The following VAV2 variants were observed in gnomAD, a reference collection of about 807,000 sequenced individuals.
VAV2 encodes vav guanine nucleotide exchange factor 2.
A neutral mutation model predicts 132.5 loss-of-function variants in VAV2; 67 were observed. The observed-to-expected ratio is 0.51, with a 90% confidence interval of 0.42 to 0.62. VAV2 has a LOEUF of 0.62. Ranked by LOEUF, VAV2 falls within the 20% of genes least tolerant of loss-of-function variation. The probability of loss-of-function intolerance (pLI) is 0.00; values close to 1 mark genes in which losing one functional copy is unlikely to be tolerated. For synonymous variants in VAV2, 492 were observed against 443.5 expected (o/e 1.11, Z -1.37); for missense variants, 938 against 1,153.6 (o/e 0.81, Z 2.71).
intron 2 of VAV2, among the ~76,000 whole-genome samples, chr9:133,876,503 A>G (rs1838269342): frequency 6.6e-6 from 1 of 152,272 alleles, no homozygotes. Flanking sequence ...GCCCACGCAC[A>G]GGCCCGGAGA....
chr9:133,817,457 A>G (rs1457968344), intron 4 of VAV2, among the ~76,000 whole-genome samples: 38 of 152,118 alleles, frequency 2.5e-4, no homozygotes, highest in African/African-American at 8.7e-4. Flanking sequence ...GTTCGAGGCC[A>G]GCCTGGCCAA....
At chr9:133,937,088 AT>A (rs1418864672) in intron 2 of VAV2, among the ~76,000 whole-genome samples, 13 of 152,356 alleles carry the variant, frequency 8.5e-5, no homozygotes, top group African/African-American at 3.1e-4. Context: ...AATACGCTGC[AT>A]TTTAACTGTT....
At chr9:133,838,199 TC>T (rs1038566736) in intron 3 of VAV2, among the ~76,000 whole-genome samples, 2 of 151,840 alleles carry the variant, frequency 1.3e-5, no homozygotes, top group Non-Finnish European at 1.5e-5. Flanking sequence ...CTGCCTTTAG[TC>T]CCCCACCCTC....
intron 2 of VAV2, among the ~76,000 whole-genome samples, chr9:133,910,991 C>T (rs553012267): frequency 1.2e-3 from 189 of 152,168 alleles, no homozygotes; most frequent in Middle Eastern, 6.8e-3. Flanking sequence ...TGGGACAGAG[C>T]CAGAGATGAA....
intron 3 of VAV2, among the ~76,000 whole-genome samples, chr9:133,845,408 G>A (rs1836893857): frequency 6.6e-6 from 1 of 152,204 alleles, no homozygotes; most frequent in Admixed American, 6.5e-5. Flanking sequence ...GCTGGGGTGG[G>A]AGGGCCAGAA....
intron 16 of VAV2, 89 bp from the exon 17 acceptor site, chr9:133,785,974 G>A (rs752515201): frequency 1.2e-5 from 14 of 1,158,430 alleles, no homozygotes; most frequent in Middle Eastern, 2.3e-4. Context: ...TGTGCAGCAT[G>A]TGCACGTGTG....
At chr9:133,796,674 C>G in intron 10 of VAV2, 150 bp from the exon 11 acceptor site, 1 of 669,412 alleles carries the variant, frequency 1.5e-6, no homozygotes, top group South Asian at 1.9e-5. Context: ...CGGAACCAGT[C>G]CATGCACCAG....
intron 4 of VAV2, among the ~76,000 whole-genome samples, chr9:133,829,553 C>T (rs918901165): frequency 6.6e-6 from 1 of 152,242 alleles, no homozygotes; most frequent in African/African-American, 2.4e-5. Flanking sequence ...CACCACAAAA[C>T]GTAGGCTGCC....
intron 4 of VAV2, among the ~76,000 whole-genome samples, chr9:133,825,206 C>CGGGGGGGGGGGGGGG (rs1564382078): frequency 6.4e-5 from 7 of 109,324 alleles, no homozygotes; most frequent in South Asian, 3.0e-4. Context: ...GGTGGGGGGG[C>CGGGGGGGGGGGGGGG]GGGGGACAAA....
intron 1 of VAV2, among the ~76,000 whole-genome samples, chr9:133,940,852 GTTATC>G (rs1841120727): frequency 6.6e-6 from 1 of 151,388 alleles, no homozygotes; most frequent in Non-Finnish European, 1.5e-5. Flanking sequence ...ACACCACACG[GTTATC>G]TTATCTATAG....
intron 1 of VAV2, among the ~76,000 whole-genome samples, chr9:133,971,649 T>A (rs909299443): frequency 6.6e-6 from 1 of 152,106 alleles, no homozygotes; most frequent in Non-Finnish European, 1.5e-5. Flanking sequence ...GCTGCTGACA[T>A]GAAGGGTCAA....
chr9:133,802,922 G>A lies in VAV2; in HGVS notation c.836+3159C>T, dbSNP rs1834990794. On this transcript the variant is annotated intron_variant, in intron 9 of 29. Coordinates refer to ENST00000371850, the MANE Select transcript of VAV2 (RefSeq NM_001134398.2). The surrounding 1 kb of genome is among the most constrained non-coding windows in gnomAD (Gnocchi z 5.8). ...TCCGTTTCCCCATCTGGGAAATGGGGGTTAGACAGAGCGGGAGCTGAGGCT... is the reference window on the plus strand; with the variant it reads ...TCCGTTTCCCCATCTGGGAAATGGGAGTTAGACAGAGCGGGAGCTGAGGCT... Among the ~76,000 whole-genome samples the A allele has an allele frequency of 6.6e-6, 1 of 152,224 alleles. No individual in the cohort carries two copies. Among genetic ancestry groups the A allele is most frequent in the Non-Finnish European group, 1.5e-5 (1 of 68,032 alleles).
At chr9:133,800,450 T>TCTG (rs1564360247) in intron 9 of VAV2, among the ~76,000 whole-genome samples, 4 of 152,176 alleles carry the variant, frequency 2.6e-5, no homozygotes, top group African/African-American at 9.6e-5. Context: ...TGGAGCCATG[T>TCTG]CTGCTGCTGC....
chr9:133,977,849 C>A (rs552111512), intron 1 of VAV2, among the ~76,000 whole-genome samples: 2 of 152,250 alleles, frequency 1.3e-5, no homozygotes, highest in African/African-American at 4.8e-5. Context: ...AGGAAGGCCA[C>A]GCCAAGTCCA....
At chr9:133,989,721 A>T (rs1373888346) in intron 1 of VAV2, among the ~76,000 whole-genome samples, 1 of 152,258 alleles carries the variant, frequency 6.6e-6, no homozygotes, top group Non-Finnish European at 1.5e-5. Flanking sequence ...CCAGAAAACA[A>T]ACACCAGCCA....
At chr9:133,836,071 G>A (rs982454074) in intron 3 of VAV2, among the ~76,000 whole-genome samples, 7 of 152,192 alleles carry the variant, frequency 4.6e-5, no homozygotes, top group African/African-American at 9.7e-5. Context: ...TCAGGGCTCC[G>A]TTGCTGAGAC....
chr9:133,903,913 G>T (rs1839540590), intron 2 of VAV2, among the ~76,000 whole-genome samples: 1 of 152,154 alleles, frequency 6.6e-6, no homozygotes, highest in African/African-American at 2.4e-5. Flanking sequence ...GTAAAAAAGG[G>T]CAACTTACAA....
intron 2 of VAV2, among the ~76,000 whole-genome samples, chr9:133,899,143 G>C (rs1350621655): frequency 1.3e-5 from 2 of 151,874 alleles, no homozygotes; most frequent in African/African-American, 2.4e-5. Flanking sequence ...CTTGATGAGA[G>C]GAATCACAGA....
intron 25 of VAV2, among the ~76,000 whole-genome samples, 175 bp downstream of exon 25, chr9:133,774,760 C>T (rs1833753837): frequency 6.6e-6 from 1 of 152,182 alleles, no homozygotes; most frequent in African/African-American, 2.4e-5. Context: ...GCCCAGCACA[C>T]CTGTAGAGAC....
Sources: gnomAD v4.1 joint callset for allele counts (sites outside exome capture counted in the v4.1 genomes callset) on GRCh38, gnomAD v4.1.1 for gene constraint, Gnocchi (gnomAD v3.1) non-coding constraint, MANE v1.5 for transcripts, NCBI Gene and HGNC (gene_info 2026-07-23, HGNC 2026-07-21) for gene names.